The following RIPOR2 variants were observed in gnomAD, a reference collection of about 807,000 sequenced individuals.
RIPOR2 encodes rho family-interacting cell polarization regulator 2.
RIPOR2 carries 39 observed loss-of-function variants against 114.5 expected under a neutral mutation model. The ratio of observed to expected loss-of-function variants is 0.34; its 90% CI spans 0.26 to 0.44. The LOEUF (loss-of-function observed/expected upper bound fraction) is 0.44. Ranked by LOEUF, RIPOR2 falls within the 20% of genes least tolerant of loss-of-function variation. The pLI, the probability that RIPOR2 is intolerant of heterozygous loss-of-function variation, is 1.00. For missense variants in RIPOR2, 1,007 were observed against 1,255.1 expected, an observed-to-expected ratio of 0.80 and a Z score of 2.99; for synonymous variants, 445 against 484.4, an observed-to-expected ratio of 0.92 and a Z score of 1.07.
intron 1 of RIPOR2, among the ~76,000 whole-genome samples, chr6:24,914,722 TA>T (rs1769934278): frequency 6.6e-6 from 1 of 152,226 alleles, no homozygotes; most frequent in Non-Finnish European, 1.5e-5. Flanking sequence ...TTATGGTTCT[TA>T]CTGCCATCGA....
At chr6:24,959,745 G>T (rs1561808791) in intron 1 of RIPOR2, among the ~76,000 whole-genome samples, 1 of 152,114 alleles carries the variant, frequency 6.6e-6, no homozygotes, top group Admixed American at 6.5e-5. Context: ...TCTCCTCTTT[G>T]TAACCAACTG....
At chr6:24,849,688 T>C in intron 11 of RIPOR2, 114 bp downstream of exon 11, 1 of 967,692 alleles carries the variant, frequency 1.0e-6, no homozygotes, top group Non-Finnish European at 1.6e-6. Context: ...GGCCCGAGAT[T>C]CTGCTTTTCA....
At chr6:24,991,446 T>C (rs1009593584) in intron 1 of RIPOR2, among the ~76,000 whole-genome samples, 1 of 152,194 alleles carries the variant, frequency 6.6e-6, no homozygotes. Context: ...GGAGGTACAT[T>C]GCAACAAGGT....
chr6:25,037,620 G>A lies in RIPOR2; in HGVS notation c.76+4231C>T, dbSNP rs962696702. ...TCCCTAAGAAGGGTAACATATTACC[G>A]TTCTCATACCTTGGTTTGATTATTA... On this transcript the variant is annotated intron_variant, in intron 1 of 13. Transcript: ENST00000510784. This position sits in a 1 kb window ranked among gnomAD's most constrained non-coding sequence, Gnocchi z 4.5. 2.0e-5 allele frequency among the ~76,000 whole-genome samples: 3 copies of A among 152,216 alleles called. No homozygotes were observed. Among genetic ancestry groups the A allele is most frequent in the Middle Eastern group, 3.4e-3 (1 of 294 alleles).
At chr6:24,852,687 G>T in intron 8 of RIPOR2, 69 bp from the exon 9 acceptor site, 1 of 1,166,104 alleles carries the variant, frequency 8.6e-7, no homozygotes, top group Non-Finnish European at 1.2e-6. Flanking sequence ...ATACTGGCAC[G>T]TTAAAAAGAA....
intron 1 of RIPOR2, among the ~76,000 whole-genome samples, chr6:24,897,876 C>T (rs1477007924): frequency 6.6e-6 from 1 of 152,126 alleles, no homozygotes; most frequent in Admixed American, 6.5e-5. Flanking sequence ...AAGGGATTCA[C>T]AGCCTCCCAA....
At chr6:24,952,433 G>C (rs909988698) in intron 1 of RIPOR2, among the ~76,000 whole-genome samples, 2 of 152,174 alleles carry the variant, frequency 1.3e-5, no homozygotes, top group African/African-American at 4.8e-5. Flanking sequence ...GAGCTGATTT[G>C]CAGTGCTTAT....
chr6:24,976,926 G>A lies in RIPOR2; in HGVS notation c.76+64925C>T, dbSNP rs1774084299. On this transcript the variant is annotated intron_variant, in intron 1 of 13. Coordinates refer to the RIPOR2 transcript ENST00000510784. ...GAGGCCATGGAGCGCTTTGGGTCCA[G>A]GAATGGCAAGACCAGCAAGAAGATC... 4 of 1,586,664 alleles carry A rather than the reference G, an allele frequency of 2.5e-6. No homozygotes were observed. In the African/African-American group the frequency reaches 4.0e-5, roughly 16 times the overall value.
Position 24,959,040 on chromosome 6 carries a change from T to A in RIPOR2, c.76+82811A>T, listed in dbSNP as rs118039789. Among the ~76,000 whole-genome samples, 312 of 149,222 alleles carry A rather than the reference T, an allele frequency of 2.1e-3. 4 individuals carry two copies. The East Asian group carries it at 0.023, about 11-fold the overall frequency. ...ATCATAGCTCACTGCAGCCTTGAAC[T>A]CCTGAGCTCAAGCCATCCTCCAGCT... On this transcript the variant is annotated intron_variant, in intron 1 of 13. Transcript: ENST00000510784.
chr6:24,847,467 CA>C, intron 12 of RIPOR2: 1 of 1,452,012 alleles, frequency 6.9e-7, no homozygotes. Flanking sequence ...GAAGATAAAA[CA>C]AGAGACATGC....
chr6:24,828,101 G>A (rs1294796552), intron 18 of RIPOR2, 36 bp downstream of exon 18: 4 of 1,473,450 alleles, frequency 2.7e-6, no homozygotes, highest in Non-Finnish European at 3.6e-6. Context: ...GCCAAATTGA[G>A]CCACCACTAC....
At position 24,817,976 on chromosome 6, in the gene RIPOR2, C is replaced by CTTTTTTT. The variant is rs758675486; in HGVS notation, c.2952+565_2952+566insAAAAAAA. On this transcript the variant is annotated intron_variant, in intron 20 of 21. Coordinates refer to ENST00000643898, the MANE Select transcript of RIPOR2 (RefSeq NM_001286445.3). ...ATATACTTTCCTTTTCTCTCTCTCT[C>CTTTTTTT]TCTTTTTTTTTGAGACAGAGTCTGG... 9.5e-5 allele frequency among the ~76,000 whole-genome samples: 8 copies of CTTTTTTT among 84,448 alleles called. 2 individuals carry two copies. Among genetic ancestry groups the CTTTTTTT allele is most frequent in the Non-Finnish European group, 1.5e-4 (6 of 39,914 alleles). The allele number at this position is 84,448 out of a possible 152,430, so 55.4% of individuals were successfully genotyped here.
chr6:24,839,421 T>G (rs1003098927), intron 13 of RIPOR2, 149 bp from the exon 14 acceptor site: 1 of 1,433,302 alleles, frequency 7.0e-7, no homozygotes. Context: ...TAAAAATCTT[T>G]ATATCCAAAA....
At position 25,037,550 on chromosome 6, in the gene RIPOR2, T is replaced by A. The variant is rs1378544019; in HGVS notation, c.76+4301A>T. Among the ~76,000 whole-genome samples the A allele has an allele frequency of 6.6e-6, 1 of 152,196 alleles. No individual in the cohort carries two copies. Among genetic ancestry groups the A allele is most frequent in the Non-Finnish European group, 1.5e-5 (1 of 68,028 alleles). On this transcript the variant is annotated intron_variant, in intron 1 of 13. Transcript: ENST00000510784. The surrounding 1 kb of genome is among the most constrained non-coding windows in gnomAD (Gnocchi z 4.5). ...CCGAATGTCTGCTCAGTATCACACA[T>A]GTGTGTCTTTGTAGTGACCTTTGGC...
intron 1 of RIPOR2, among the ~76,000 whole-genome samples, chr6:24,904,992 C>A (rs1040153038): frequency 6.6e-6 from 1 of 152,146 alleles, no homozygotes; most frequent in Non-Finnish European, 1.5e-5. Flanking sequence ...CCAGGCTGGT[C>A]TCAAACCCCT....
At chr6:24,941,749 G>A (rs1772143807) in intron 1 of RIPOR2, among the ~76,000 whole-genome samples, 2 of 152,144 alleles carry the variant, frequency 1.3e-5, no homozygotes, top group African/African-American at 4.8e-5. Flanking sequence ...AACATTAACT[G>A]AGATGGGAAT....
chr6:24,932,326 G>A (rs1270525997), intron 1 of RIPOR2, among the ~76,000 whole-genome samples: 1 of 152,008 alleles, frequency 6.6e-6, no homozygotes, highest in African/African-American at 2.4e-5. Flanking sequence ...GTGTGTGTGT[G>A]TGTGTGTGTG....
upstream of RIPOR2, chr6:24,936,031 A>G: frequency 1.6e-6 from 1 of 637,276 alleles, no homozygotes; most frequent in Non-Finnish European, 2.7e-6. Context: ...ATCTGCCCTG[A>G]AGAAAGCAGT....
intron 1 of RIPOR2, among the ~76,000 whole-genome samples, chr6:24,973,573 G>A (rs1051312738): frequency 2.1e-5 from 3 of 145,426 alleles, no homozygotes; most frequent in Non-Finnish European, 3.0e-5. Context: ...CTCTAGCCTA[G>A]TGACAGAGTG....
Sources: gnomAD v4.1 joint callset for allele counts (sites outside exome capture counted in the v4.1 genomes callset) on GRCh38, gnomAD v4.1.1 for gene constraint, Gnocchi (gnomAD v3.1) non-coding constraint, MANE v1.5 for transcripts, NCBI Gene and HGNC (gene_info 2026-07-23, HGNC 2026-07-21) for gene names.